Variants in SLCO1C1 observed in about 807,000 individuals in gnomAD.
SLCO1C1 encodes the protein solute carrier organic anion transporter family member 1C1, also known as OAT-RP-5.
A neutral mutation model predicts 76.4 loss-of-function variants in SLCO1C1; 70 were observed. The observed-to-expected ratio is 0.92, with a 90% CI of 0.76 to 1.12. The LOEUF (loss-of-function observed/expected upper bound fraction) is 1.12. Ranked by LOEUF, SLCO1C1 falls within the 50% of genes most tolerant of loss-of-function variation. The probability of loss-of-function intolerance (pLI) is 0.00; values close to 1 mark genes in which losing one functional copy is unlikely to be tolerated. For synonymous variants in SLCO1C1, 306 were observed against 286.1 expected (o/e 1.07, Z -0.70); for missense variants, 912 against 823.8 (o/e 1.11, Z -1.31).
At chr12:20,725,365 A>G (rs1947926091) in intron 9 of SLCO1C1, among the ~76,000 whole-genome samples, 1 of 136,988 alleles carries the variant, frequency 7.3e-6, no homozygotes, top group South Asian at 2.3e-4. Context: ...TATATTACAT[A>G]TAGTACAGAT....
chr12:20,724,405 GTGTGTGTATATATA>G (rs1410398389), intron 9 of SLCO1C1, among the ~76,000 whole-genome samples: 2,105 of 29,106 alleles, frequency 0.072, 59 homozygotes, highest in African/African-American at 0.16. Flanking sequence ...GTGTGTGTGT[GTGTGTGTATATATA>G]TATATATATA....
chr12:20,724,886 A>G (rs1947886114), intron 9 of SLCO1C1, among the ~76,000 whole-genome samples: 1 of 145,604 alleles, frequency 6.9e-6, no homozygotes, highest in Admixed American at 6.9e-5. Flanking sequence ...TTCATATACT[A>G]TGAAAATAAT....
intron 11 of SLCO1C1, 108 bp from the exon 12 acceptor site, chr12:20,740,076 C>A: frequency 1.9e-6 from 2 of 1,073,412 alleles, no homozygotes; most frequent in Non-Finnish European, 2.7e-6. Flanking sequence ...AGAATATTTC[C>A]TCATTGTTTA....
intron 9 of SLCO1C1, among the ~76,000 whole-genome samples, chr12:20,727,747 G>T (rs533191295): frequency 9.1e-4 from 139 of 152,312 alleles, no homozygotes; most frequent in African/African-American, 3.3e-3. Context: ...CTGACCTTGT[G>T]ATCTGCCCGC....
At chr12:20,722,291 A>T (rs1947718581) in intron 8 of SLCO1C1, among the ~76,000 whole-genome samples, 1 of 152,198 alleles carries the variant, frequency 6.6e-6, no homozygotes, top group Non-Finnish European at 1.5e-5. Flanking sequence ...CTCAGTTTAG[A>T]TCCTACCATT....
At chr12:20,744,066 T>G (rs141343258) in intron 13 of SLCO1C1, among the ~76,000 whole-genome samples, 8 of 152,100 alleles carry the variant, frequency 5.3e-5, no homozygotes, top group African/African-American at 1.9e-4. Flanking sequence ...AAATTTGAAA[T>G]CAAATTTGGT....
intron 10 of SLCO1C1, among the ~76,000 whole-genome samples, chr12:20,735,033 A>AATTTTATATATATATAT (rs1317620819): frequency 3.9e-5 from 6 of 152,198 alleles, no homozygotes; most frequent in African/African-American, 1.4e-4. Flanking sequence ...TTAAAATTCT[A>AATTTTATATATATATAT]AATTACAAAT....
chr12:20,729,876 G>A (rs1279390015), intron 9 of SLCO1C1, among the ~76,000 whole-genome samples: 2 of 152,056 alleles, frequency 1.3e-5, no homozygotes, highest in Non-Finnish European at 2.9e-5. Flanking sequence ...TGTTGTGGAA[G>A]TTTCAAGAAA....
chr12:20,750,961 AG>A, intron 14 of SLCO1C1, 169 bp downstream of exon 14: 1 of 1,327,724 alleles, frequency 7.5e-7, no homozygotes, highest in South Asian at 1.4e-5. Context: ...TTATTTGATT[AG>A]ATCTTTGATT....
In SLCO1C1 at chr12:20,740,216, A is replaced by G; in HGVS notation, c.1581A>G (p.Ala527=). ...IFYNCTCVGI[A]ASKSGNSSGI... is the part of the protein sequence containing the mutation. ...ACAACTGCACTTGTGTGGGAATTGC[A>G]GCTTCTAAATCCGGAAATTCCTCAG... Residue 527 remains alanine (A), a synonymous_variant, in exon 12 of 15, where the codon GCA becomes GCG. Coordinates refer to ENST00000266509, the MANE Select transcript of SLCO1C1 (RefSeq NM_017435.5). 6.2e-7 allele frequency: 1 copy of G among 1,612,934 alleles called. No individual in the cohort carries two copies. Among genetic ancestry groups the G allele is most frequent in the Non-Finnish European group, 8.5e-7 (1 of 1,179,648 alleles).
At chr12:20,701,541 G>C in intron 3 of SLCO1C1, 82 bp downstream of exon 3, 1 of 1,066,960 alleles carries the variant, frequency 9.4e-7, no homozygotes, top group Non-Finnish European at 1.3e-6. Flanking sequence ...GCATTCTATT[G>C]TCTGCTGGGA....
chr12:20,699,513 G>A, intron 1 of SLCO1C1, 39 bp from the exon 2 acceptor site: 2 of 1,408,026 alleles, frequency 1.4e-6, no homozygotes, highest in Non-Finnish European at 1.9e-6. Context: ...AAATTGCGTA[G>A]TATTTATTTA....
rs1949266029 is a variant in SLCO1C1 at position 20,750,810 on chromosome 12, T to C, written c.1916+18T>C. Reference sequence around the variant, plus strand: ...GTCTTCAGGTACCAAATCAAAAGCATTCCCGCATCTCATTGCTACAGCATC... The same window carrying C: ...GTCTTCAGGTACCAAATCAAAAGCACTCCCGCATCTCATTGCTACAGCATC... On this transcript the variant is annotated intron_variant, in intron 14 of 14. Coordinates refer to ENST00000266509, the MANE Select transcript of SLCO1C1 (RefSeq NM_017435.5). 1 of 1,613,824 alleles carries C rather than the reference T, an allele frequency of 6.2e-7. No homozygotes were observed. The highest frequency in any genetic ancestry group is 1.3e-5 in the African/African-American group (1 of 74,902).
At chr12:20,700,835 C>T (rs532150426) in intron 2 of SLCO1C1, among the ~76,000 whole-genome samples, 1 of 152,072 alleles carries the variant, frequency 6.6e-6, no homozygotes, top group South Asian at 2.1e-4. Flanking sequence ...AACATAAACA[C>T]AAGGAATAAT....
At chr12:20,708,606 C>A (rs1235760280) in intron 4 of SLCO1C1, among the ~76,000 whole-genome samples, 1 of 152,060 alleles carries the variant, frequency 6.6e-6, no homozygotes, top group East Asian at 1.9e-4. Context: ...ATGTGGATAT[C>A]TGGGAAAGAA....
Position 20,740,241 on chromosome 12 carries a change from G to T in SLCO1C1, c.1606G>T (p.Gly536Cys). Reference protein sequence around the residue: ...IAASKSGNSSGIVGRCQKDNG... With the variant: ...IAASKSGNSSCIVGRCQKDNG... The stretch of plus-strand genomic sequence containing the variant: ...AGCTTCTAAATCCGGAAATTCCTCA[G>T]GCATAGTGGGAAGATGTCAGAAAGA... Residue 536 changes from glycine to cysteine, a missense_variant, in exon 12 of 15, where the codon GGC becomes TGC. Coordinates refer to ENST00000266509, the MANE Select transcript of SLCO1C1 (RefSeq NM_017435.5). 1 of 1,613,814 alleles carries T rather than the reference G, an allele frequency of 6.2e-7. No individual in the cohort carries two copies. The highest frequency in any genetic ancestry group is 8.5e-7 in the Non-Finnish European group (1 of 1,179,902).
chr12:20,710,078 T>G (rs113496544), intron 4 of SLCO1C1, among the ~76,000 whole-genome samples: 3 of 151,978 alleles, frequency 2.0e-5, no homozygotes, highest in African/African-American at 4.8e-5. Context: ...GTGGGGTTCA[T>G]GAACCCATTG....
Position 20,723,462 on chromosome 12 carries a change from A to G in SLCO1C1, c.1186+208A>G, listed in dbSNP as rs550118128. On this transcript the variant is annotated intron_variant, in intron 9 of 14. Coordinates refer to ENST00000266509, the MANE Select transcript of SLCO1C1 (RefSeq NM_017435.5). ...AGCAAGCAGTTCTTGAAGTGATATC[A>G]TAGAGATGAAACATGCATTTTATGA... Among the ~76,000 whole-genome samples, 14 of 152,308 alleles carry G rather than the reference A, an allele frequency of 9.2e-5. No homozygotes were observed. The South Asian group carries it at 2.9e-3, about 32-fold the overall frequency.
intron 7 of SLCO1C1, among the ~76,000 whole-genome samples, chr12:20,719,088 C>T (rs79642751): frequency 0.013 from 1,886 of 146,446 alleles, 34 homozygotes; most frequent in African/African-American, 0.046. Flanking sequence ...CTCCTAATAT[C>T]GCAAGCTTTT....
Sources: gnomAD v4.1 joint callset for allele counts (sites outside exome capture counted in the v4.1 genomes callset) on GRCh38, gnomAD v4.1.1 for gene constraint, MANE v1.5 for transcripts, NCBI Gene and HGNC (gene_info 2026-07-23, HGNC 2026-07-21) for gene names.